Variants in SRBD1 observed in about 807,000 individuals in gnomAD.
The protein encoded by SRBD1 is S1 RNA-binding domain-containing protein 1.
SRBD1 carries 88 observed loss-of-function variants against 115.3 expected under a neutral mutation model. The ratio of observed to expected loss-of-function variants is 0.76; its 90% CI spans 0.64 to 0.91. The LOEUF is 0.91. Among genes scored for constraint, SRBD1 ranks in the 40% least tolerant of loss-of-function variants. The pLI is 0.00. For missense variants in SRBD1, 1,385 were observed against 1,177.4 expected, an observed-to-expected ratio of 1.18 and a Z score of -2.58; for synonymous variants, 509 against 407.7, an observed-to-expected ratio of 1.25 and a Z score of -2.99.
intron 14 of SRBD1, among the ~76,000 whole-genome samples, chr2:45,490,514 A>G (rs910695959): frequency 2.0e-5 from 3 of 152,220 alleles, no homozygotes; most frequent in Non-Finnish European, 4.4e-5. Flanking sequence ...AAGACAGAGT[A>G]TCCATGAAGT....
intron 14 of SRBD1, among the ~76,000 whole-genome samples, chr2:45,514,234 TA>T (rs1213915085): frequency 1.3e-5 from 2 of 152,204 alleles, no homozygotes; most frequent in African/African-American, 2.4e-5. Context: ...TTAAGTGTAT[TA>T]TTTCCTATAA....
chr2:45,605,203 T>C (rs535805966), intron 2 of SRBD1, among the ~76,000 whole-genome samples, 159 bp downstream of exon 2: 36 of 152,344 alleles, frequency 2.4e-4, no homozygotes, highest in African/African-American at 8.7e-4. Context: ...AGACAGAACC[T>C]GGAACACAGC....
rs150789718 is a variant in SRBD1 at position 45,595,589 on chromosome 2, T to C, written c.648+3860A>G. 2.5e-3 allele frequency among the ~76,000 whole-genome samples: 384 copies of C among 152,352 alleles called. 1 individual carries two copies. The highest frequency in any genetic ancestry group is 4.0e-3 in the Non-Finnish European group (272 of 68,030). On this transcript the variant is annotated intron_variant, in intron 4 of 20. Transcript: ENST00000263736. ...CTCTCATTCTTGTCAGTTCCCTCTT[T>C]TTCCAACATCTACCCCTGTTCTCAA...
intron 16 of SRBD1, among the ~76,000 whole-genome samples, chr2:45,452,984 A>C (rs548166662): frequency 6.6e-6 from 1 of 152,144 alleles, no homozygotes; most frequent in South Asian, 2.1e-4. Context: ...TTTGAAGTCC[A>C]CAATATGTAT....
At chr2:45,404,443 A>T (rs1412914903) in intron 19 of SRBD1, among the ~76,000 whole-genome samples, 1 of 152,130 alleles carries the variant, frequency 6.6e-6, no homozygotes, top group African/African-American at 2.4e-5. Context: ...CCCCTCCAAT[A>T]CAGTGAGTTT....
chr2:45,551,357 T>G (rs952657886), intron 11 of SRBD1, 75 bp from the exon 12 acceptor site: 14 of 1,380,444 alleles, frequency 1.0e-5, no homozygotes, highest in Non-Finnish European at 1.4e-5. Context: ...AGAATTCATT[T>G]TGTACAATTA....
intron 16 of SRBD1, among the ~76,000 whole-genome samples, chr2:45,457,856 T>C (rs529285149): frequency 6.6e-6 from 1 of 151,972 alleles, no homozygotes; most frequent in Non-Finnish European, 1.5e-5. Context: ...AGGTGTAAAC[T>C]TCAGATGAAA....
At chr2:45,444,554 G>T (rs1668762716) in intron 16 of SRBD1, among the ~76,000 whole-genome samples, 1 of 152,006 alleles carries the variant, frequency 6.6e-6, no homozygotes, top group Admixed American at 6.6e-5. Flanking sequence ...TGCTTTGAAT[G>T]AATCCTTTTT....
At chr2:45,597,421 C>CA (rs753591482) in intron 4 of SRBD1, among the ~76,000 whole-genome samples, 263 of 67,738 alleles carry the variant, frequency 3.9e-3, no homozygotes, top group South Asian at 6.9e-3. Flanking sequence ...CTCTGTCTCA[C>CA]AAAAAAAAAA....
chr2:45,390,824 CCTT>C (rs1297767862), intron 20 of SRBD1, among the ~76,000 whole-genome samples: 7 of 152,180 alleles, frequency 4.6e-5, no homozygotes, highest in African/African-American at 4.8e-5. Context: ...AAAATAAAAA[CCTT>C]CTTTAAACTC....
rs556946817 is a variant in SRBD1 at position 45,598,507 on chromosome 2, G to C, written c.648+942C>G. 4.1e-4 allele frequency among the ~76,000 whole-genome samples: 62 copies of C among 152,042 alleles called. No homozygotes were observed. In the South Asian group the frequency reaches 5.0e-3, roughly 12 times the overall value. The stretch of plus-strand genomic sequence containing the variant: ...CAGGTGCCTGTAGTCCCAGCTACTC[G>C]GGAGGCTGAGGCAGGAGAATGGCAT... On this transcript the variant is annotated intron_variant, in intron 4 of 20. Coordinates refer to ENST00000263736, the MANE Select transcript of SRBD1 (RefSeq NM_018079.5).
intron 18 of SRBD1, among the ~76,000 whole-genome samples, chr2:45,414,771 T>C (rs1439064240): frequency 5.7e-5 from 7 of 123,522 alleles, no homozygotes; most frequent in African/African-American, 2.3e-4. Context: ...GTGTATATAG[T>C]ATGTACACAC....
intron 4 of SRBD1, among the ~76,000 whole-genome samples, chr2:45,591,500 T>C (rs1267960056): frequency 2.0e-5 from 3 of 152,206 alleles, no homozygotes; most frequent in Non-Finnish European, 2.9e-5. Flanking sequence ...TTCTCTTGTC[T>C]TGATAAATAG....
At chr2:45,544,107 C>A (rs1302413686) in intron 14 of SRBD1, among the ~76,000 whole-genome samples, 2 of 151,878 alleles carry the variant, frequency 1.3e-5, no homozygotes, top group African/African-American at 4.8e-5. Flanking sequence ...GTGGCGGGCA[C>A]CTGTAGTCCC....
intron 14 of SRBD1, among the ~76,000 whole-genome samples, chr2:45,501,151 G>C (rs1213988261): frequency 4.6e-5 from 7 of 152,144 alleles, no homozygotes; most frequent in Non-Finnish European, 1.0e-4. Flanking sequence ...TATGGTTTTT[G>C]TCCTTGATTC....
intron 16 of SRBD1, among the ~76,000 whole-genome samples, chr2:45,472,073 C>A (rs1669665725): frequency 6.6e-6 from 1 of 151,902 alleles, no homozygotes; most frequent in Non-Finnish European, 1.5e-5. Flanking sequence ...TATAAATAAT[C>A]CAAAAGCCTA....
intron 14 of SRBD1, among the ~76,000 whole-genome samples, chr2:45,541,469 T>C (rs1022091667): frequency 1.3e-5 from 2 of 152,222 alleles, no homozygotes; most frequent in Non-Finnish European, 2.9e-5. Flanking sequence ...CCAGAGTTCT[T>C]GTCCCATGTC....
chr2:45,502,970 C>A (rs1490652726), intron 14 of SRBD1, among the ~76,000 whole-genome samples: 3 of 152,080 alleles, frequency 2.0e-5, no homozygotes, highest in Non-Finnish European at 2.9e-5. Context: ...CAGGCATAAG[C>A]CACTGCGCCC....
At chr2:45,418,013 A>G (rs1362412416) in intron 18 of SRBD1, among the ~76,000 whole-genome samples, 3 of 152,214 alleles carry the variant, frequency 2.0e-5, no homozygotes, top group African/African-American at 4.8e-5. Context: ...CTGCTCAAAT[A>G]AGTTTTCAAA....
Sources: allele counts gnomAD v4.1 joint callset (sites outside exome capture counted in the v4.1 genomes callset), GRCh38; gene constraint gnomAD v4.1.1; transcripts MANE v1.5; gene names NCBI Gene and HGNC (gene_info 2026-07-23, HGNC 2026-07-21).